Variants in DNAH14 observed in about 807,000 individuals in gnomAD.
DNAH14 encodes the protein axonemal beta dynein heavy chain 14.
A neutral mutation model predicts 520.9 loss-of-function variants in DNAH14; 478 were observed. The observed-to-expected ratio is 0.92, with a 90% confidence interval of 0.85 to 0.99. The LOEUF is 0.99. Among genes scored for constraint, DNAH14 ranks in the 50% least tolerant of loss-of-function variants. The pLI is 0.00. For missense variants in DNAH14, 4,831 were observed against 5,234.5 expected (o/e 0.92, Z 2.38); for synonymous variants, 1,581 against 1,757.2 (o/e 0.90, Z 2.51).
At chr1:225,379,647 C>A (rs2095754534) in intron 79 of DNAH14, among the ~76,000 whole-genome samples, 1 of 152,080 alleles carries the variant, frequency 6.6e-6, no homozygotes, top group Non-Finnish European at 1.5e-5. Context: ...CGTGCCTCAG[C>A]CTCCTGAGTA....
chr1:225,144,325 C>T, intron 28 of DNAH14, 72 bp from the exon 29 acceptor site: 3 of 1,154,768 alleles, frequency 2.6e-6, no homozygotes, highest in Non-Finnish European at 2.4e-6. Flanking sequence ...AATCTTGATT[C>T]TTTTTCTGCA....
chr1:224,964,653 T>A (rs749773231), intron 5 of DNAH14, 44 bp downstream of exon 5: 5 of 1,384,810 alleles, frequency 3.6e-6, no homozygotes, highest in Non-Finnish European at 3.8e-6. Flanking sequence ...AAAATCAATA[T>A]TGAAATTATA....
At position 225,165,485 on chromosome 1, in the gene DNAH14, C is replaced by G. The variant is rs191095517; in HGVS notation, c.5446-2454C>G. ...TTCAAGAGTTTGCAGCATCCAAGCT[C>G]CAATAAAACTAAGCTTAGTTATTTT... On this transcript the variant is annotated intron_variant, in intron 35 of 85. Coordinates refer to ENST00000682510, the MANE Select transcript of DNAH14 (RefSeq NM_001367479.1). 3.2e-3 allele frequency among the ~76,000 whole-genome samples: 487 copies of G among 151,770 alleles called. 4 individuals carry two copies. The highest frequency in any genetic ancestry group is 7.1e-3 in the South Asian group (34 of 4,800).
intron 11 of DNAH14, chr1:225,024,688 T>C (rs2065959058): frequency 6.6e-6 from 1 of 152,176 alleles, no homozygotes; most frequent in South Asian, 2.1e-4. Context: ...TAAGGACTTA[T>C]AACTGGTTTG....
At chr1:225,000,246 G>C (rs2063665592) in intron 8 of DNAH14, among the ~76,000 whole-genome samples, 1 of 152,022 alleles carries the variant, frequency 6.6e-6, no homozygotes, top group African/African-American at 2.4e-5. Flanking sequence ...TCTAACCATG[G>C]TCATTTGAAT....
chr1:225,365,805 T>C (rs2095546213), intron 76 of DNAH14, among the ~76,000 whole-genome samples: 1 of 152,084 alleles, frequency 6.6e-6, no homozygotes, highest in Admixed American at 6.6e-5. Flanking sequence ...GGTAGGGGAA[T>C]GAAGGGTGTC....
rs1365361781 is a variant in DNAH14, at chr1:225,398,720, A to G, written c.13638+54A>G. The G allele has an allele frequency of 2.6e-6, 4 of 1,536,330 alleles. No homozygotes were observed. In the Admixed American group the frequency reaches 8.0e-5, roughly 31 times the overall value. ...CTAAACCTCTGAGCGTTGCTTCAGTAATATACAAACCACTCTTATTCCCAT... is the reference window on the plus strand; with the variant it reads ...CTAAACCTCTGAGCGTTGCTTCAGTGATATACAAACCACTCTTATTCCCAT... On this transcript the variant is annotated intron_variant, in intron 85 of 85. Coordinates refer to ENST00000682510, the MANE Select transcript of DNAH14 (RefSeq NM_001367479.1).
chr1:224,975,458 T>A (rs1486988090), intron 8 of DNAH14, among the ~76,000 whole-genome samples: 2 of 151,920 alleles, frequency 1.3e-5, no homozygotes, highest in Non-Finnish European at 2.9e-5. Flanking sequence ...GTCTTGGGAG[T>A]GTGTATGTGT....
At chr1:224,955,716 G>A (rs370909183) in intron 3 of DNAH14, among the ~76,000 whole-genome samples, 43 of 152,152 alleles carry the variant, frequency 2.8e-4, no homozygotes, top group African/African-American at 1.0e-3. Flanking sequence ...CTGGAGCTCC[G>A]CTTCTGCCAT....
chr1:225,158,978 G>T (rs2081290880), intron 34 of DNAH14, among the ~76,000 whole-genome samples: 1 of 152,132 alleles, frequency 6.6e-6, no homozygotes, highest in African/African-American at 2.4e-5. Context: ...CCCTCCTAGA[G>T]ATTTTTAAAT....
rs527900368 is a variant in DNAH14, at chr1:225,135,606, A to C, written c.4255-5162A>C. The stretch of plus-strand genomic sequence containing the variant: ...CTATTATGTGACCAATTTTAAAGTA[A>C]GTGTTGTGTGGCTATGAGAAGAGTC... On this transcript the variant is annotated intron_variant, in intron 27 of 85. Coordinates refer to ENST00000682510, the MANE Select transcript of DNAH14 (RefSeq NM_001367479.1). Among the ~76,000 whole-genome samples the C allele has an allele frequency of 2.6e-5, 4 of 152,162 alleles. No individual in the cohort carries two copies. In the South Asian group the frequency reaches 8.3e-4, roughly 32 times the overall value.
chr1:225,178,860 T>C (rs569630739), intron 36 of DNAH14, among the ~76,000 whole-genome samples: 1 of 152,216 alleles, frequency 6.6e-6, no homozygotes, highest in Non-Finnish European at 1.5e-5. Flanking sequence ...AGGGACCCAG[T>C]AGGAGGTAAT....
intron 43 of DNAH14, among the ~76,000 whole-genome samples, chr1:225,245,219 G>A (rs938030028): frequency 6.6e-6 from 1 of 151,858 alleles, no homozygotes; most frequent in Non-Finnish European, 1.5e-5. Context: ...AGACTGTTAT[G>A]ATTTCCTTTC....
intron 36 of DNAH14, among the ~76,000 whole-genome samples, chr1:225,178,267 G>A (rs1001335557): frequency 6.6e-6 from 1 of 152,168 alleles, no homozygotes; most frequent in Non-Finnish European, 1.5e-5. Flanking sequence ...AAGAAAAAGA[G>A]ATTTAATTGG....
At chr1:224,933,490 A>G (rs1019806921) in intron 1 of DNAH14, among the ~76,000 whole-genome samples, 1 of 152,110 alleles carries the variant, frequency 6.6e-6, no homozygotes, top group African/African-American at 2.4e-5. Context: ...GAAAGGGGAC[A>G]TCCTTATCTT....
chr1:225,358,320 A>G (rs1201688427), intron 73 of DNAH14, among the ~76,000 whole-genome samples, 176 bp from the exon 74 acceptor site: 2 of 152,162 alleles, frequency 1.3e-5, no homozygotes, highest in East Asian at 3.9e-4. Context: ...GGCCACAGGA[A>G]CATGGTGGCG....
intron 17 of DNAH14, among the ~76,000 whole-genome samples, chr1:225,059,607 G>C (rs1284017230): frequency 2.0e-5 from 3 of 152,242 alleles, no homozygotes; most frequent in Non-Finnish European, 4.4e-5. Flanking sequence ...AGTTGATGCA[G>C]TTTCTTCCTA....
chr1:225,373,517 G>A (rs867270467), intron 77 of DNAH14, among the ~76,000 whole-genome samples: 1 of 151,974 alleles, frequency 6.6e-6, no homozygotes, highest in South Asian at 2.1e-4. Context: ...GGAGGCGGAG[G>A]TGATAAATAG....
At position 225,289,896 on chromosome 1, in the gene DNAH14, T is replaced by G; in HGVS notation, c.8283T>G (p.Asp2761Glu). 1.4e-6 allele frequency: 2 copies of G among 1,419,466 alleles called. No homozygotes were observed. The highest frequency in any genetic ancestry group is 2.7e-5 in the East Asian group (1 of 37,680). 87.9% of individuals were successfully genotyped at this position (1,419,466 alleles called of 1,614,324 possible). The change falls in exon 55 of 86, where the codon GAT becomes GAG. Residue 2761 changes from aspartate (D) to glutamate (E), a missense_variant. Transcript: ENST00000682510. ...CTTTTCTCCCAAAGATTGGAATAGA[T>G]GGATGTGGGAAAAAAACATGTGCAA... ...PGSHMLLIGI[D>E]GCGKKTCATL...
Sources: gnomAD v4.1 joint callset for allele counts (sites outside exome capture counted in the v4.1 genomes callset) on GRCh38, gnomAD v4.1.1 for gene constraint, MANE v1.5 for transcripts, NCBI Gene and HGNC (gene_info 2026-07-23, HGNC 2026-07-21) for gene names.